Variants in CFAP69 observed in about 807,000 individuals in gnomAD.
CFAP69 encodes the protein cilia- and flagella-associated protein 69.
In CFAP69, 92 loss-of-function variants were observed where a neutral mutation model predicts 123.0. That is an observed-to-expected ratio of 0.75 (90% confidence interval 0.63 to 0.89). The LOEUF (loss-of-function observed/expected upper bound fraction) is 0.89. CFAP69 is among the 40% of genes least tolerant of loss of function. The pLI, the probability that CFAP69 is intolerant of heterozygous loss-of-function variation, is 0.00. For synonymous variants in CFAP69, 380 were observed against 364.3 expected (o/e 1.04, Z -0.49); for missense variants, 1,067 against 1,096.9 (o/e 0.97, Z 0.39).
chr7:90,322,469 T>A, the CFAP69 span: 1 of 152,184 alleles, frequency 6.6e-6, no homozygotes, highest in East Asian at 1.9e-4. Context: ...CCACCAAAGC[T>A]GTTTTCCAAT....
chr7:90,253,110 A>C (rs1486868501), intron 1 of CFAP69, among the ~76,000 whole-genome samples: 3 of 152,196 alleles, frequency 2.0e-5, no homozygotes, highest in Non-Finnish European at 4.4e-5. Flanking sequence ...TCACCTTTTC[A>C]AACATTTATT....
chr7:90,274,965 T>G (rs1375737649), intron 9 of CFAP69, among the ~76,000 whole-genome samples: 1 of 152,204 alleles, frequency 6.6e-6, no homozygotes, highest in East Asian at 1.9e-4. Flanking sequence ...TATGTTTGAC[T>G]TTTTGATATT....
chr7:90,317,895 A>T, the CFAP69 span: 1 of 152,294 alleles, frequency 6.6e-6, no homozygotes, highest in Non-Finnish European at 1.5e-5. Flanking sequence ...ACTTGAAACC[A>T]GTGTTGTAAA....
chr7:90,288,961 A>G lies in CFAP69; in HGVS notation c.1775+609A>G, dbSNP rs145974630. ...TGTAATAACATTTAGCTTAAAATACAAATACATTGTATAGCCATACAAAAA... is the reference window on the plus strand; with the variant it reads ...TGTAATAACATTTAGCTTAAAATACGAATACATTGTATAGCCATACAAAAA... On this transcript the variant is annotated intron_variant, in intron 15 of 22. Coordinates refer to ENST00000389297, the MANE Select transcript of CFAP69 (RefSeq NM_001039706.3). Among the ~76,000 whole-genome samples the G allele has an allele frequency of 3.4e-3, 514 of 152,074 alleles. 3 individuals carry two copies. Among genetic ancestry groups the G allele is most frequent in the African/African-American group, 0.012 (492 of 41,542 alleles).
intron 15 of CFAP69, among the ~76,000 whole-genome samples, chr7:90,294,304 T>C (rs1217238465): frequency 6.6e-6 from 1 of 152,212 alleles, no homozygotes; most frequent in Non-Finnish European, 1.5e-5. Context: ...ATTTTTGTTT[T>C]ACCAATAATC....
At chr7:90,319,802 T>C in the CFAP69 span, 5 of 398,084 alleles carry the variant, frequency 1.3e-5, no homozygotes, top group South Asian at 6.7e-4. Flanking sequence ...AAAAAGTTAT[T>C]CAATCACTTG....
intron 12 of CFAP69, among the ~76,000 whole-genome samples, chr7:90,280,558 T>C (rs1789325235): frequency 6.6e-6 from 1 of 152,214 alleles, no homozygotes; most frequent in Non-Finnish European, 1.5e-5. Context: ...GACTGCCTAC[T>C]GAGTACTAGA....
chr7:90,308,283 A>T (rs1054731555), intron 21 of CFAP69, among the ~76,000 whole-genome samples: 4 of 152,166 alleles, frequency 2.6e-5, no homozygotes, highest in African/African-American at 7.2e-5. Flanking sequence ...ATTATGTTAA[A>T]CTTAAATGTG....
chr7:90,323,592 A>C, the CFAP69 span, among the ~76,000 whole-genome samples: 4 of 152,224 alleles, frequency 2.6e-5, no homozygotes, highest in African/African-American at 7.2e-5. Context: ...TTGACAAATA[A>C]AAAATTAATT....
the CFAP69 span, among the ~76,000 whole-genome samples, chr7:90,320,091 T>C: frequency 6.6e-6 from 1 of 152,208 alleles, no homozygotes; most frequent in Non-Finnish European, 1.5e-5. Context: ...GTGATACGGT[T>C]CCGCAAGTCT....
At chr7:90,282,863 T>C (rs1250118471) in intron 12 of CFAP69, 29 bp from the exon 13 acceptor site, 1 of 1,421,676 alleles carries the variant, frequency 7.0e-7, no homozygotes. Flanking sequence ...GAAATGTTTT[T>C]GTTTTAAATT....
chr7:90,309,180 A>G (rs1794015889), intron 21 of CFAP69, 83 bp from the exon 22 acceptor site: 1 of 666,994 alleles, frequency 1.5e-6, no homozygotes, highest in East Asian at 2.8e-5. Flanking sequence ...GCCAGACACA[A>G]TTAAATATGT....
At chr7:90,300,655 C>CTTTT (rs199733306) in intron 17 of CFAP69, 1 of 120,814 alleles carries the variant, frequency 8.3e-6, no homozygotes, top group African/African-American at 3.7e-5. Context: ...TTTTTTTTTT[C>CTTTT]TTTTTTTTTT....
At chr7:90,245,733 A>G (rs1244181002) in intron 1 of CFAP69, among the ~76,000 whole-genome samples, 189 bp downstream of exon 1, 1 of 152,086 alleles carries the variant, frequency 6.6e-6, no homozygotes, top group African/African-American at 2.4e-5. Flanking sequence ...ACCGGTTGCG[A>G]GGGGCTGGCT....
chr7:90,283,156 C>A, intron 13 of CFAP69, 100 bp downstream of exon 13: 1 of 838,748 alleles, frequency 1.2e-6, no homozygotes, highest in Non-Finnish European at 1.7e-6. Flanking sequence ...GTCTTTATGA[C>A]TGAGAAATTC....
intron 15 of CFAP69, among the ~76,000 whole-genome samples, chr7:90,294,411 GTTC>G (rs1791629196): frequency 6.6e-6 from 1 of 152,114 alleles, no homozygotes; most frequent in African/African-American, 2.4e-5. Context: ...TTTGATTTAA[GTTC>G]TTCTTATTAA....
At chr7:90,322,350 C>CAGTCCACCATT in the CFAP69 span, 2 of 152,256 alleles carry the variant, frequency 1.3e-5, no homozygotes, top group Non-Finnish European at 2.9e-5. Flanking sequence ...CCAAGTGTTT[C>CAGTCCACCATT]AGTCCACCAT....
At chr7:90,265,192 A>C in intron 4 of CFAP69, 109 bp from the exon 5 acceptor site, 1 of 612,960 alleles carries the variant, frequency 1.6e-6, no homozygotes, top group Non-Finnish European at 2.8e-6. Flanking sequence ...AGAATAGAAT[A>C]TTATTATTAA....
intron 2 of CFAP69, 92 bp from the exon 3 acceptor site, chr7:90,258,006 A>AT: frequency 1.3e-6 from 1 of 778,354 alleles, no homozygotes; most frequent in East Asian, 2.7e-5. Flanking sequence ...TTACTTGATA[A>AT]TTTTAAAGTG....
Sources: allele counts gnomAD v4.1 joint callset (sites outside exome capture counted in the v4.1 genomes callset), GRCh38; gene constraint gnomAD v4.1.1; transcripts MANE v1.5; gene names NCBI Gene and HGNC (gene_info 2026-07-23, HGNC 2026-07-21).